Variants in SLC16A7 observed in about 807,000 individuals in gnomAD.
The protein encoded by SLC16A7 is monocarboxylate transporter 2.
In SLC16A7, 33 loss-of-function variants were observed where a neutral mutation model predicts 34.9. That is an observed-to-expected ratio of 0.94 (90% CI 0.72 to 1.26). The LOEUF (loss-of-function observed/expected upper bound fraction) is 1.26. Ranked by LOEUF, SLC16A7 falls within the 50% of genes most tolerant of loss-of-function variation. The pLI, the probability that SLC16A7 is intolerant of heterozygous loss-of-function variation, is 0.00. For synonymous variants in SLC16A7, 201 were observed against 206.6 expected, an observed-to-expected ratio of 0.97 and a Z score of 0.23; for missense variants, 573 against 578.1, an observed-to-expected ratio of 0.99 and a Z score of 0.09.
intron 1 of SLC16A7, among the ~76,000 whole-genome samples, chr12:59,606,681 C>T (rs1878957148): frequency 6.6e-6 from 1 of 152,146 alleles, no homozygotes; most frequent in African/African-American, 2.4e-5. Flanking sequence ...TCTTGGCTCC[C>T]ATACCTTAAA....
intron 2 of SLC16A7, among the ~76,000 whole-genome samples, chr12:59,702,675 TA>T (rs1158240917): frequency 6.6e-6 from 1 of 152,102 alleles, no homozygotes; most frequent in Non-Finnish European, 1.5e-5. Flanking sequence ...TGTGTACCTA[TA>T]AAAAATCTTT....
At chr12:59,739,349 C>T (rs1489976274) in intron 3 of SLC16A7, among the ~76,000 whole-genome samples, 1 of 140,878 alleles carries the variant, frequency 7.1e-6, no homozygotes, top group Non-Finnish European at 1.5e-5. Context: ...CAATTTCATC[C>T]ATGTCCCTAC....
chr12:59,702,631 C>A (rs1873023703), intron 2 of SLC16A7, among the ~76,000 whole-genome samples: 1 of 151,990 alleles, frequency 6.6e-6, no homozygotes, highest in African/African-American at 2.4e-5. Flanking sequence ...CTATAGTTTC[C>A]ATGACATTTT....
intron 1 of SLC16A7, among the ~76,000 whole-genome samples, chr12:59,613,689 T>C (rs577279835): frequency 6.6e-6 from 1 of 152,258 alleles, no homozygotes; most frequent in South Asian, 2.1e-4. Flanking sequence ...TGGTATTTTA[T>C]AGGAGAGAGA....
chr12:59,622,025 TC>T (rs900898047), intron 1 of SLC16A7, among the ~76,000 whole-genome samples: 2 of 151,892 alleles, frequency 1.3e-5, no homozygotes, highest in Non-Finnish European at 2.9e-5. Context: ...TTAGTTACTG[TC>T]AACTTCTACA....
intron 1 of SLC16A7, among the ~76,000 whole-genome samples, chr12:59,646,847 C>T (rs1868256984): frequency 6.6e-6 from 1 of 152,132 alleles, no homozygotes; most frequent in African/African-American, 2.4e-5. Context: ...AAATGTGAGA[C>T]ATGGAGTGAG....
At chr12:59,685,602 T>C (rs1871092000) in intron 2 of SLC16A7, among the ~76,000 whole-genome samples, 1 of 152,194 alleles carries the variant, frequency 6.6e-6, no homozygotes, top group Non-Finnish European at 1.5e-5. Flanking sequence ...ATGTGGTTGA[T>C]ATGATTCCCA....
chr12:59,752,990 A>C (rs1879779623), intron 3 of SLC16A7, among the ~76,000 whole-genome samples: 1 of 152,240 alleles, frequency 6.6e-6, no homozygotes. Context: ...CCAGAATTTC[A>C]TATCCAGCCA....
chr12:59,661,748 A>G (rs568086781), intron 2 of SLC16A7, among the ~76,000 whole-genome samples: 2 of 152,192 alleles, frequency 1.3e-5, no homozygotes, highest in Admixed American at 6.6e-5. Flanking sequence ...CCCTCCCCCA[A>G]TTAGGTTTTT....
At chr12:59,698,892 C>T (rs1011320880) in intron 2 of SLC16A7, among the ~76,000 whole-genome samples, 13 of 151,534 alleles carry the variant, frequency 8.6e-5, no homozygotes, top group Non-Finnish European at 1.8e-4. Context: ...TTTAGCAATA[C>T]CTAATGAGTT....
chr12:59,644,237 G>A lies in SLC16A7; in HGVS notation c.-129-10915G>A, dbSNP rs180955715. Among the ~76,000 whole-genome samples the A allele has an allele frequency of 4.6e-4, 70 of 152,182 alleles. 6 individuals are homozygous for A. The South Asian group carries it at 7.3e-3, about 16-fold the overall frequency. On this transcript the variant is annotated intron_variant, in intron 1 of 5. Coordinates refer to ENST00000547379, the MANE Select transcript of SLC16A7 (RefSeq NM_001270623.2). ...ATGTGAAACTTTGCCGGATGTTAAC[G>A]ACAACCTAGACCCTGGCTTTAGTGC...
At chr12:59,614,476 G>A (rs1419422314) in intron 1 of SLC16A7, among the ~76,000 whole-genome samples, 1 of 152,090 alleles carries the variant, frequency 6.6e-6, no homozygotes, top group African/African-American at 2.4e-5. Context: ...TATGGTTGAA[G>A]TGCCATGATT....
chr12:59,610,879 G>A (rs78286566), intron 1 of SLC16A7, among the ~76,000 whole-genome samples: 17 of 152,280 alleles, frequency 1.1e-4, no homozygotes, highest in Non-Finnish European at 1.9e-4. Context: ...TCCTAGCTTG[G>A]GCTGCTATAA....
intron 3 of SLC16A7, among the ~76,000 whole-genome samples, chr12:59,732,339 GA>G (rs1439354671): frequency 6.6e-6 from 1 of 152,130 alleles, no homozygotes. Flanking sequence ...AGAATTGCTT[GA>G]ACCTGGGAGG....
intron 3 of SLC16A7, 101 bp from the exon 4 acceptor site, chr12:59,771,118 T>C (rs184144128): frequency 8.6e-7 from 1 of 1,165,152 alleles, no homozygotes; most frequent in Admixed American, 2.2e-5. Context: ...CCTCTGACCA[T>C]TAAAATGTGC....
At chr12:59,634,852 G>C (rs1050020267) in intron 1 of SLC16A7, among the ~76,000 whole-genome samples, 5 of 151,946 alleles carry the variant, frequency 3.3e-5, no homozygotes, top group African/African-American at 1.2e-4. Flanking sequence ...TATTTCTTTT[G>C]TTTTCCCTGC....
At chr12:59,612,530 A>G (rs963249898) in intron 1 of SLC16A7, among the ~76,000 whole-genome samples, 2 of 152,206 alleles carry the variant, frequency 1.3e-5, no homozygotes, top group Admixed American at 1.3e-4. Context: ...CTTGGTGATT[A>G]ACATTTGGCT....
At chr12:59,763,505 C>T (rs1881233281) in intron 3 of SLC16A7, among the ~76,000 whole-genome samples, 2 of 152,050 alleles carry the variant, frequency 1.3e-5, no homozygotes, top group South Asian at 4.1e-4. Context: ...AGTCAATAAA[C>T]TTAGCATTTC....
chr12:59,671,141 T>G (rs1472733405), intron 2 of SLC16A7, among the ~76,000 whole-genome samples: 1 of 152,156 alleles, frequency 6.6e-6, no homozygotes, highest in African/African-American at 2.4e-5. Context: ...ATTCTTCTCT[T>G]ATGGTTTATT....
Sources: gnomAD v4.1 joint callset for allele counts (sites outside exome capture counted in the v4.1 genomes callset) on GRCh38, gnomAD v4.1.1 for gene constraint, MANE v1.5 for transcripts, NCBI Gene and HGNC (gene_info 2026-07-23, HGNC 2026-07-21) for gene names.